Variants in LRRC4C observed in about 807,000 individuals in gnomAD.
The protein encoded by LRRC4C is leucine-rich repeat-containing protein 4C.
LRRC4C carries 5 observed loss-of-function variants against 33.6 expected under a neutral mutation model. That is an observed-to-expected ratio of 0.15 (90% CI 0.08 to 0.31). The LOEUF (loss-of-function observed/expected upper bound fraction) is 0.31, where lower values mean the gene tolerates loss of function less well. Ranked by LOEUF, LRRC4C falls within the 10% of genes least tolerant of loss-of-function variation. LRRC4C has a pLI of 1.00. For synonymous variants in LRRC4C, 329 were observed against 302.0 expected, an observed-to-expected ratio of 1.09 and a Z score of -0.93; for missense variants, 560 against 796.7, an observed-to-expected ratio of 0.70 and a Z score of 3.58.
intron 1 of LRRC4C, among the ~76,000 whole-genome samples, chr11:41,197,344 A>G (rs528191445): frequency 1.2e-3 from 189 of 152,110 alleles, no homozygotes; most frequent in Non-Finnish European, 1.5e-3. Flanking sequence ...CTATCCTGAC[A>G]TTGAGGAAGA....
rs193296021 is a variant in LRRC4C at position 40,564,860 on chromosome 11, C to A, written c.-270+83282G>T. Among the ~76,000 whole-genome samples the A allele has an allele frequency of 3.3e-5, 5 of 152,246 alleles. No individual in the cohort carries two copies. In the East Asian group the frequency reaches 9.7e-4, roughly 29 times the overall value. On this transcript the variant is annotated intron_variant, in intron 3 of 6. Coordinates refer to ENST00000528697, the MANE Select transcript of LRRC4C (RefSeq NM_001258419.2). ...TGACTGGCAAGAGATAGGAGGACGGCTCATACTACACAATGGAGGCATGGA... is the reference window on the plus strand; with the variant it reads ...TGACTGGCAAGAGATAGGAGGACGGATCATACTACACAATGGAGGCATGGA...
At chr11:41,210,045 A>G (rs1946759034) in intron 1 of LRRC4C, among the ~76,000 whole-genome samples, 2 of 152,134 alleles carry the variant, frequency 1.3e-5, no homozygotes, top group Admixed American at 6.5e-5. Context: ...TGCAAGCCAG[A>G]AAGAGAGGCC....
chr11:40,836,952 T>G (rs7112697), intron 2 of LRRC4C, among the ~76,000 whole-genome samples: 20,478 of 152,168 alleles, frequency 0.13, 1,583 homozygotes, highest in African/African-American at 0.2. Context: ...CAGGGCTTTA[T>G]GTTATGGCAT....
At chr11:40,176,993 G>A (rs1484872061) in intron 5 of LRRC4C, among the ~76,000 whole-genome samples, 1 of 135,756 alleles carries the variant, frequency 7.4e-6, no homozygotes, top group African/African-American at 2.9e-5. Flanking sequence ...GAGTGCAGTG[G>A]TGTGATCTCT....
chr11:41,442,232 A>C (rs1469813199), intron 1 of LRRC4C, among the ~76,000 whole-genome samples: 4 of 152,020 alleles, frequency 2.6e-5, no homozygotes, highest in Non-Finnish European at 5.9e-5. Context: ...ACAGGATCCA[A>C]GTAAATAAAA....
chr11:41,210,633 A>C (rs185493449), intron 1 of LRRC4C, among the ~76,000 whole-genome samples: 84 of 152,296 alleles, frequency 5.5e-4, no homozygotes, highest in African/African-American at 1.9e-3. Context: ...TAGTACCTGA[A>C]TATGAACATA....
intron 1 of LRRC4C, among the ~76,000 whole-genome samples, chr11:41,005,006 A>T (rs355242): frequency 0.57 from 86,284 of 151,356 alleles, 24,823 homozygotes; most frequent in South Asian, 0.62. Flanking sequence ...TTATTATTAT[A>T]ATTATTACAG....
In LRRC4C at chr11:40,859,112, C is replaced by T. The variant is rs563046749; in HGVS notation, c.-407+74523G>A. Among the ~76,000 whole-genome samples, 15 of 152,188 alleles carry T rather than the reference C, an allele frequency of 9.9e-5. No homozygotes were observed. The South Asian group carries it at 2.9e-3, about 29-fold the overall frequency. On this transcript the variant is annotated intron_variant, in intron 2 of 6. Coordinates refer to ENST00000528697, the MANE Select transcript of LRRC4C (RefSeq NM_001258419.2). ...CAGTGATATAGAACGTAGCAAACCA[C>T]AAGAAACAACATCAGTGGGGAATCA...
chr11:41,251,039 A>G (rs2136642831), intron 1 of LRRC4C, among the ~76,000 whole-genome samples: 1 of 152,316 alleles, frequency 6.6e-6, no homozygotes, highest in South Asian at 2.1e-4. Context: ...CCACTAATGT[A>G]TCTATCAATT....
chr11:41,271,447 A>T (rs1306495348), intron 1 of LRRC4C, among the ~76,000 whole-genome samples: 1 of 151,922 alleles, frequency 6.6e-6, no homozygotes. Context: ...AGGTTTTTAC[A>T]CTTTCTTCCC....
intron 1 of LRRC4C, among the ~76,000 whole-genome samples, chr11:41,298,559 G>C (rs527433212): frequency 6.6e-6 from 1 of 152,090 alleles, no homozygotes; most frequent in African/African-American, 2.4e-5. Flanking sequence ...GTCTCTAAAC[G>C]TAGGGCCTAT....
chr11:40,654,619 A>G (rs992870893), intron 2 of LRRC4C, among the ~76,000 whole-genome samples: 2 of 152,212 alleles, frequency 1.3e-5, no homozygotes, highest in South Asian at 4.1e-4. Context: ...GATCATAGGC[A>G]GAAGGGACTT....
At chr11:41,016,767 C>G (rs746324448) in intron 1 of LRRC4C, among the ~76,000 whole-genome samples, 1 of 152,110 alleles carries the variant, frequency 6.6e-6, no homozygotes, top group Non-Finnish European at 1.5e-5. Context: ...CTAGCTCACT[C>G]GACTCTGAAA....
chr11:40,616,182 A>G (rs1435009845), intron 3 of LRRC4C, among the ~76,000 whole-genome samples: 2 of 151,774 alleles, frequency 1.3e-5, no homozygotes, highest in Admixed American at 6.6e-5. Flanking sequence ...CTGGCCATCA[A>G]AGAAATGCAA....
chr11:41,101,456 C>T (rs925676937), intron 1 of LRRC4C, among the ~76,000 whole-genome samples: 2 of 152,108 alleles, frequency 1.3e-5, no homozygotes, highest in Non-Finnish European at 2.9e-5. Context: ...GATACCAGCT[C>T]ACACCAGGGA....
chr11:40,455,618 C>T (rs1434092947), intron 3 of LRRC4C, among the ~76,000 whole-genome samples: 2 of 152,060 alleles, frequency 1.3e-5, no homozygotes, highest in Non-Finnish European at 2.9e-5. Context: ...TTTCACATTC[C>T]CAATGACAGA....
chr11:40,887,944 G>A (rs1222148527), intron 2 of LRRC4C, among the ~76,000 whole-genome samples: 1 of 151,602 alleles, frequency 6.6e-6, no homozygotes, highest in Non-Finnish European at 1.5e-5. Context: ...TTCATTATAA[G>A]TTTTTCTTCA....
At chr11:40,755,722 T>C (rs1357152654) in intron 2 of LRRC4C, among the ~76,000 whole-genome samples, 1 of 152,062 alleles carries the variant, frequency 6.6e-6, no homozygotes, top group African/African-American at 2.4e-5. Flanking sequence ...CAAATATTCA[T>C]AGTACATTGA....
chr11:40,435,797 C>T (rs1951116689), intron 3 of LRRC4C, among the ~76,000 whole-genome samples: 1 of 152,070 alleles, frequency 6.6e-6, no homozygotes, highest in Admixed American at 6.6e-5. Context: ...TAGCTCATAC[C>T]AGTTAATGCT....
Sources: gnomAD v4.1 joint callset for allele counts (sites outside exome capture counted in the v4.1 genomes callset) on GRCh38, gnomAD v4.1.1 for gene constraint, MANE v1.5 for transcripts, NCBI Gene and HGNC (gene_info 2026-07-23, HGNC 2026-07-21) for gene names.